Variants in MAP3K20 observed in about 807,000 individuals in gnomAD.
MAP3K20 encodes the protein HCCS-4.
A neutral mutation model predicts 85.7 loss-of-function variants in MAP3K20; 40 were observed. That is an observed-to-expected ratio of 0.47 (90% CI 0.36 to 0.61). MAP3K20 has a LOEUF of 0.61. MAP3K20 is among the 20% of genes least tolerant of loss of function. The pLI, the probability that MAP3K20 is intolerant of heterozygous loss-of-function variation, is 0.00. For missense variants in MAP3K20, 817 were observed against 961.7 expected (o/e 0.85, Z 1.99); for synonymous variants, 325 against 327.7 (o/e 0.99, Z 0.09).
chr2:173,107,811 A>T (rs1386581798), intron 2 of MAP3K20, among the ~76,000 whole-genome samples: 3 of 152,208 alleles, frequency 2.0e-5, no homozygotes, highest in South Asian at 2.1e-4. Flanking sequence ...AATCTGGGTA[A>T]GTACAGTGCC....
At chr2:173,209,520 C>A (rs1229499501) in intron 9 of MAP3K20, 2 of 424,288 alleles carry the variant, frequency 4.7e-6, no homozygotes, top group Non-Finnish European at 8.3e-6. Flanking sequence ...TGAATCTCTC[C>A]TTGTGAATAG....
intron 3 of MAP3K20, among the ~76,000 whole-genome samples, chr2:173,174,657 C>A (rs1038360209): frequency 1.3e-5 from 2 of 152,110 alleles, no homozygotes; most frequent in African/African-American, 4.8e-5. Flanking sequence ...AATAGTGCCA[C>A]AATAAACATA....
chr2:173,081,144 T>A (rs1180222928), intron 1 of MAP3K20, among the ~76,000 whole-genome samples: 1 of 152,176 alleles, frequency 6.6e-6, no homozygotes, highest in African/African-American at 2.4e-5. Flanking sequence ...ACTGTTTTAC[T>A]TAAATTGAAC....
At chr2:173,232,077 G>A in intron 12 of MAP3K20, 115 bp from the exon 13 acceptor site, 2 of 1,281,826 alleles carry the variant, frequency 1.6e-6, no homozygotes, top group Non-Finnish European at 2.2e-6. Flanking sequence ...TTACCTTTGT[G>A]GTTGAGCCAG....
At chr2:173,261,035 C>T (rs570970904) in intron 17 of MAP3K20, 28 bp from the exon 18 acceptor site, 19 of 1,608,204 alleles carry the variant, frequency 1.2e-5, no homozygotes, top group Non-Finnish European at 1.5e-5. Flanking sequence ...TGTTATGGTA[C>T]TACACCATCC....
At chr2:173,237,066 G>A (rs961048912) in intron 14 of MAP3K20, among the ~76,000 whole-genome samples, 8 of 117,400 alleles carry the variant, frequency 6.8e-5, no homozygotes, top group South Asian at 5.7e-4. Context: ...TCACTGTGCC[G>A]CTCAGGCTGA....
chr2:173,097,478 G>A (rs941941796), intron 2 of MAP3K20, among the ~76,000 whole-genome samples: 1 of 151,982 alleles, frequency 6.6e-6, no homozygotes, highest in African/African-American at 2.4e-5. Flanking sequence ...TTTCTGTCTG[G>A]AAGAGATGGG....
chr2:173,156,157 G>A (rs1689461938), intron 2 of MAP3K20, among the ~76,000 whole-genome samples: 2 of 152,180 alleles, frequency 1.3e-5, no homozygotes, highest in African/African-American at 4.8e-5. Flanking sequence ...TGCTAAGGAT[G>A]GTAGAATAAT....
chr2:173,194,026 A>G (rs147382007), intron 7 of MAP3K20, among the ~76,000 whole-genome samples: 75 of 151,200 alleles, frequency 5.0e-4, no homozygotes, highest in African/African-American at 1.8e-3. Context: ...GTGATGTGGA[A>G]TATCAATTCT....
At chr2:173,086,368 A>G (rs1486513080) in intron 1 of MAP3K20, among the ~76,000 whole-genome samples, 1 of 152,206 alleles carries the variant, frequency 6.6e-6, no homozygotes, top group Non-Finnish European at 1.5e-5. Flanking sequence ...TCAAGGGGAA[A>G]AAATATATAT....
intron 2 of MAP3K20, among the ~76,000 whole-genome samples, chr2:173,128,980 A>G (rs12998711): frequency 0.27 from 39,463 of 144,358 alleles, 6,587 homozygotes; most frequent in Non-Finnish European, 0.37. Context: ...CTAGAGTGCA[A>G]TGGCGCAATC....
intron 11 of MAP3K20, chr2:173,225,598 A>AG (rs1684362162): frequency 1.0e-6 from 1 of 961,164 alleles, no homozygotes; most frequent in African/African-American, 2.1e-5. Context: ...CATCTCAAAA[A>AG]AAAAAAAAAA....
intron 8 of MAP3K20, among the ~76,000 whole-genome samples, chr2:173,200,914 G>A (rs1451283472): frequency 6.6e-6 from 1 of 152,152 alleles, no homozygotes; most frequent in African/African-American, 2.4e-5. Flanking sequence ...TTACAGGCAT[G>A]AGCCAACGTG....
At chr2:173,103,186 C>T (rs955981380) in intron 2 of MAP3K20, among the ~76,000 whole-genome samples, 10 of 152,200 alleles carry the variant, frequency 6.6e-5, no homozygotes, top group Middle Eastern at 3.4e-3. Context: ...GTTGTGAAAG[C>T]GAGGGACTTT....
intron 2 of MAP3K20, among the ~76,000 whole-genome samples, chr2:173,110,150 AATACAACTTG>A (rs1170341242): frequency 1.4e-5 from 2 of 142,312 alleles, no homozygotes; most frequent in African/African-American, 5.2e-5. Flanking sequence ...CAGTTATTTT[AATACAACTTG>A]ATATATATAA....
At chr2:173,181,437 G>A (rs924741457) in intron 3 of MAP3K20, among the ~76,000 whole-genome samples, 2 of 151,982 alleles carry the variant, frequency 1.3e-5, no homozygotes, top group Non-Finnish European at 2.9e-5. Context: ...GTTGCTGGCA[G>A]GAATATAAAA....
At position 173,135,712 on chromosome 2, in the gene MAP3K20, C is replaced by T. The variant is rs138844429; in HGVS notation, c.160-34093C>T. Among the ~76,000 whole-genome samples the T allele has an allele frequency of 7.2e-5, 11 of 152,318 alleles. No homozygotes were observed. In the East Asian group the frequency reaches 2.1e-3, roughly 29 times the overall value. ...TGCACTTATAAAATGGGGATAATTT[C>T]TGCCCAGTTATATTTCTCTGAATTG... On this transcript the variant is annotated intron_variant, in intron 2 of 19. Transcript: ENST00000375213.
chr2:173,161,132 A>G (rs1333318425), intron 2 of MAP3K20, among the ~76,000 whole-genome samples: 1 of 152,260 alleles, frequency 6.6e-6, no homozygotes, highest in Non-Finnish European at 1.5e-5. Context: ...TGCAAAGGCA[A>G]GGGCATGCTT....
intron 11 of MAP3K20, among the ~76,000 whole-genome samples, chr2:173,229,269 C>T (rs910663469): frequency 6.6e-6 from 1 of 152,216 alleles, no homozygotes; most frequent in Non-Finnish European, 1.5e-5. Context: ...GAAATTCCCC[C>T]TTGAGAACAG....
Sources: allele counts gnomAD v4.1 joint callset (sites outside exome capture counted in the v4.1 genomes callset), GRCh38; gene constraint gnomAD v4.1.1; transcripts MANE v1.5; gene names NCBI Gene and HGNC (gene_info 2026-07-23, HGNC 2026-07-21).